TNPO1: variants seen among roughly 807,000 people sequenced by gnomAD.
TNPO1 encodes the protein transportin-1.
A neutral mutation model predicts 119.5 loss-of-function variants in TNPO1; 8 were observed. The ratio of observed to expected loss-of-function variants is 0.07; its 90% CI spans 0.04 to 0.12. The LOEUF is 0.12. Among genes scored for constraint, TNPO1 ranks in the 10% least tolerant of loss-of-function variants. The probability of loss-of-function intolerance (pLI) is 1.00; values close to 1 mark genes in which losing one functional copy is unlikely to be tolerated. For synonymous variants in TNPO1, 362 were observed against 363.0 expected (o/e 1.00, Z 0.03); for missense variants, 576 against 1,089.8 (o/e 0.53, Z 6.64).
At chr5:72,842,298 T>C (rs2112221553) in intron 1 of TNPO1, among the ~76,000 whole-genome samples, 1 of 152,274 alleles carries the variant, frequency 6.6e-6, no homozygotes, top group Middle Eastern at 3.4e-3. Context: ...AAAGGCAGTA[T>C]ATCAGGGGCT....
Position 72,863,777 on chromosome 5 carries a change from AAGATTAC to A in TNPO1, c.463-1808_463-1802del, listed in dbSNP as rs538339020. 1.8e-3 allele frequency among the ~76,000 whole-genome samples: 277 copies of A among 152,170 alleles called. 1 individual carries two copies. Among genetic ancestry groups the A allele is most frequent in the African/African-American group, 6.3e-3 (260 of 41,512 alleles). ...AAAAAGGCTTTGGAAATACACTGAT[AAGATTAC>A]AGATTACAGAAAAGCTAAATAATAA... On this transcript the variant is annotated intron_variant, in intron 5 of 24. Coordinates refer to ENST00000337273, the MANE Select transcript of TNPO1 (RefSeq NM_002270.4).
chr5:72,824,298 C>T (rs1253094090), intron 1 of TNPO1, among the ~76,000 whole-genome samples: 2 of 152,218 alleles, frequency 1.3e-5, no homozygotes, highest in Non-Finnish European at 2.9e-5. Flanking sequence ...TGTCCCACTT[C>T]ACCACATTAC....
intron 23 of TNPO1, among the ~76,000 whole-genome samples, chr5:72,904,611 C>T (rs945378316): frequency 1.3e-5 from 2 of 152,128 alleles, no homozygotes; most frequent in Admixed American, 1.3e-4. Context: ...GCCTGGCCAA[C>T]ATGGTGAAAC....
Position 72,870,658 on chromosome 5 carries a change from C to A in TNPO1, c.597-1981C>A, listed in dbSNP as rs555473006. Reference sequence around the variant, plus strand: ...TTAAACTTCCAAAGAAAGCACGTCACACTGTTTCTTTTAATTTAAAATGTA... The same window carrying A: ...TTAAACTTCCAAAGAAAGCACGTCAAACTGTTTCTTTTAATTTAAAATGTA... On this transcript the variant is annotated intron_variant, in intron 6 of 24. Transcript: ENST00000337273. Among the ~76,000 whole-genome samples, 6 of 152,242 alleles carry A rather than the reference C, an allele frequency of 3.9e-5. No individual in the cohort carries two copies. In the South Asian group the frequency reaches 1.2e-3, roughly 32 times the overall value.
intron 6 of TNPO1, among the ~76,000 whole-genome samples, chr5:72,867,469 C>CTT (rs1747002169): frequency 6.6e-6 from 1 of 152,120 alleles, no homozygotes; most frequent in South Asian, 2.1e-4. Context: ...TAGGCAGTGA[C>CTT]TAAGCAATTT....
chr5:72,891,336 G>C (rs1312630402), intron 14 of TNPO1, among the ~76,000 whole-genome samples: 2 of 151,954 alleles, frequency 1.3e-5, no homozygotes, highest in Non-Finnish European at 2.9e-5. Context: ...GTGGTGGGGG[G>C]TGCCTGTAGT....
chr5:72,831,955 C>A (rs1337728581), intron 1 of TNPO1, among the ~76,000 whole-genome samples: 1 of 151,864 alleles, frequency 6.6e-6, no homozygotes, highest in South Asian at 2.1e-4. Context: ...AATTAACCTT[C>A]TTTTTTTGAT....
At chr5:72,848,140 C>G in intron 1 of TNPO1, 2 of 1,208,224 alleles carry the variant, frequency 1.7e-6, no homozygotes, top group Non-Finnish European at 2.1e-6. Flanking sequence ...TGGTCGGCTC[C>G]TTGCGCTCGG....
chr5:72,858,320 A>G (rs959505079), intron 4 of TNPO1, among the ~76,000 whole-genome samples: 43 of 152,296 alleles, frequency 2.8e-4, no homozygotes, highest in African/African-American at 8.4e-4. Flanking sequence ...CTATTTTTAT[A>G]TATGTATGTG....
chr5:72,842,383 G>T (rs1744951972), intron 1 of TNPO1, among the ~76,000 whole-genome samples: 1 of 152,178 alleles, frequency 6.6e-6, no homozygotes, highest in African/African-American at 2.4e-5. Context: ...ACCAACCTTA[G>T]GCAAGTAACT....
chr5:72,859,207 T>C (rs1365400657), intron 4 of TNPO1, among the ~76,000 whole-genome samples: 1 of 152,010 alleles, frequency 6.6e-6, no homozygotes, highest in Non-Finnish European at 1.5e-5. Flanking sequence ...TAGACCAGAG[T>C]TTTCCAACCT....
intron 1 of TNPO1, among the ~76,000 whole-genome samples, chr5:72,832,915 T>C (rs1233395062): frequency 6.6e-6 from 1 of 152,188 alleles, no homozygotes; most frequent in Non-Finnish European, 1.5e-5. Flanking sequence ...TCTGGGTATA[T>C]TCATTAGACT....
At chr5:72,848,549 G>C in intron 2 of TNPO1, 51 bp downstream of exon 2, 1 of 1,249,376 alleles carries the variant, frequency 8.0e-7, no homozygotes, top group Non-Finnish European at 1.1e-6. Flanking sequence ...CCCGCGCTGC[G>C]GCCCAGCCCC....
intron 5 of TNPO1, among the ~76,000 whole-genome samples, chr5:72,864,846 T>C (rs575183262): frequency 8.5e-5 from 13 of 152,114 alleles, no homozygotes; most frequent in African/African-American, 3.1e-4. Context: ...TGACCTCAGG[T>C]AATCCACCCG....
chr5:72,854,961 T>C (rs1259966222), intron 3 of TNPO1, among the ~76,000 whole-genome samples: 1 of 152,178 alleles, frequency 6.6e-6, no homozygotes, highest in Non-Finnish European at 1.5e-5. Flanking sequence ...AATATTATAT[T>C]TTTTTGACAC....
chr5:72,880,961 G>A (rs1748199670), intron 9 of TNPO1, among the ~76,000 whole-genome samples: 1 of 152,050 alleles, frequency 6.6e-6, no homozygotes, highest in South Asian at 2.1e-4. Flanking sequence ...CATGGTCACG[G>A]TTAATTTCCA....
intron 1 of TNPO1, among the ~76,000 whole-genome samples, chr5:72,821,594 A>G (rs889251832): frequency 6.6e-6 from 1 of 152,190 alleles, no homozygotes; most frequent in East Asian, 1.9e-4. Context: ...CTAGCAAACC[A>G]TGAAGGACTT....
intron 9 of TNPO1, among the ~76,000 whole-genome samples, chr5:72,880,735 G>C (rs940598261): frequency 4.1e-5 from 6 of 147,394 alleles, no homozygotes; most frequent in African/African-American, 1.2e-4. Context: ...AGAATAGCTT[G>C]AACCCGGGAA....
chr5:72,912,293 CTG>C lies in TNPO1; in HGVS notation c.*3623_*3624del, dbSNP rs920210470. 4.6e-5 allele frequency: 7 copies of C among 152,530 alleles called. No homozygotes were observed. Among genetic ancestry groups the C allele is most frequent in the Admixed American group, 2.6e-4 (4 of 15,276 alleles). The allele number at this position is 152,530 out of a possible 1,614,324, so 9.4% of individuals were successfully genotyped here. On this transcript the variant is annotated 3_prime_UTR_variant, in exon 25 of 25. Coordinates refer to ENST00000337273, the MANE Select transcript of TNPO1 (RefSeq NM_002270.4). Reference sequence around the variant, plus strand: ...ATTTTGTAATTAACATTGATAAACACTGTGATTTTTTTGGTTAAGACTTTTTC... The same window carrying C: ...ATTTTGTAATTAACATTGATAAACACTGATTTTTTTGGTTAAGACTTTTTC...
Sources: allele counts gnomAD v4.1 joint callset (sites outside exome capture counted in the v4.1 genomes callset), GRCh38; gene constraint gnomAD v4.1.1; transcripts MANE v1.5; gene names NCBI Gene and HGNC (gene_info 2026-07-23, HGNC 2026-07-21).